ZMAT4: variants seen among roughly 807,000 people sequenced by gnomAD.
ZMAT4 encodes zinc finger matrin-type protein 4.
Under a neutral mutation model 28.7 loss-of-function variants are expected in ZMAT4, and 17 were observed. The observed-to-expected ratio is 0.59, with a 90% CI of 0.41 to 0.89. The LOEUF (loss-of-function observed/expected upper bound fraction) is 0.89, where lower values mean the gene tolerates loss of function less well. ZMAT4 is among the 40% of genes least tolerant of loss of function. ZMAT4 has a pLI of 0.00. For synonymous variants in ZMAT4, 117 were observed against 109.2 expected (o/e 1.07, Z -0.44); for missense variants, 240 against 283.8 (o/e 0.85, Z 1.11).
intron 3 of ZMAT4, among the ~76,000 whole-genome samples, chr8:40,758,571 A>G (rs1213309360): frequency 1.3e-5 from 2 of 152,216 alleles, no homozygotes. Context: ...ACAATGTCTA[A>G]TTTAAAATTC....
At chr8:40,627,728 G>A in intron 5 of ZMAT4, among the ~76,000 whole-genome samples, 1 of 152,118 alleles carries the variant, frequency 6.6e-6, no homozygotes, top group South Asian at 2.1e-4. Context: ...TCCATTGAGA[G>A]AAGTATCTTT....
chr8:40,781,109 T>C (rs1813808149), intron 2 of ZMAT4, among the ~76,000 whole-genome samples: 1 of 152,160 alleles, frequency 6.6e-6, no homozygotes, highest in Admixed American at 6.5e-5. Flanking sequence ...AAACTCTCTC[T>C]ACTTGCAGAT....
intron 3 of ZMAT4, among the ~76,000 whole-genome samples, chr8:40,734,550 G>A (rs1811680157): frequency 6.6e-6 from 1 of 152,194 alleles, no homozygotes; most frequent in African/African-American, 2.4e-5. Flanking sequence ...CGGAGAGAGA[G>A]AGAGTAGAAG....
At chr8:40,604,297 C>T (rs1354339434) in intron 5 of ZMAT4, among the ~76,000 whole-genome samples, 1 of 152,134 alleles carries the variant, frequency 6.6e-6, no homozygotes, top group Non-Finnish European at 1.5e-5. Flanking sequence ...TGTCTTGTTC[C>T]AGTTCCCAGG....
intron 1 of ZMAT4, among the ~76,000 whole-genome samples, chr8:40,879,704 T>A (rs1047212630): frequency 1.3e-5 from 2 of 152,176 alleles, no homozygotes; most frequent in Admixed American, 6.5e-5. Context: ...AAAAAATATA[T>A]AAAGAAGAAA....
At chr8:40,703,069 G>A (rs1168875435) in intron 3 of ZMAT4, among the ~76,000 whole-genome samples, 1 of 151,890 alleles carries the variant, frequency 6.6e-6, no homozygotes, top group Admixed American at 6.6e-5. Flanking sequence ...ACAAAACAAG[G>A]TTACATATGG....
At chr8:40,554,062 C>T (rs1803448289) in intron 6 of ZMAT4, among the ~76,000 whole-genome samples, 1 of 152,082 alleles carries the variant, frequency 6.6e-6, no homozygotes, top group Non-Finnish European at 1.5e-5. Flanking sequence ...CATATCATAT[C>T]ATATCATAGC....
At chr8:40,654,761 C>A (rs2118833176) in intron 5 of ZMAT4, among the ~76,000 whole-genome samples, 1 of 152,206 alleles carries the variant, frequency 6.6e-6, no homozygotes, top group African/African-American at 2.4e-5. Flanking sequence ...AACACCCTTT[C>A]ATGCTGAAAA....
intron 2 of ZMAT4, among the ~76,000 whole-genome samples, chr8:40,777,491 C>T (rs189627849): frequency 1.5e-3 from 224 of 152,340 alleles, no homozygotes; most frequent in African/African-American, 5.0e-3. Context: ...CCCAGGCAGC[C>T]TCAGCTCTTC....
intron 2 of ZMAT4, among the ~76,000 whole-genome samples, chr8:40,801,106 A>G (rs1381297130): frequency 6.6e-6 from 1 of 151,762 alleles, no homozygotes; most frequent in Non-Finnish European, 1.5e-5. Context: ...ATGTCCAAAA[A>G]TTTAATAACC....
rs1818264239 is a variant in ZMAT4, at chr8:40,881,575, AAAG to A, written c.-5+16105_-5+16107del. On this transcript the variant is annotated intron_variant, in intron 1 of 6. Transcript: ENST00000297737. ...GAAAGAAAGAAAGAAAGAAAGAAAG[AAAG>A]AAAGAAAGAAAGAAAGAAAGAAAAG... 4.7e-5 allele frequency among the ~76,000 whole-genome samples: 5 copies of A among 106,978 alleles called. 1 individual carries two copies. Among genetic ancestry groups the A allele is most frequent in the African/African-American group, 1.9e-4 (5 of 26,462 alleles). The allele number at this position is 106,978 out of a possible 152,430, so 70.2% of individuals were successfully genotyped here.
At chr8:40,798,873 C>CT (rs77348254) in intron 2 of ZMAT4, among the ~76,000 whole-genome samples, 20,503 of 151,818 alleles carry the variant, frequency 0.14, 1,925 homozygotes, top group East Asian at 0.34. Context: ...CTTCTCTACT[C>CT]CAAGTTTTTG....
At chr8:40,860,895 GC>G (rs1034310180) in intron 1 of ZMAT4, among the ~76,000 whole-genome samples, 1 of 152,124 alleles carries the variant, frequency 6.6e-6, no homozygotes, top group Non-Finnish European at 1.5e-5. Flanking sequence ...GGAGGCTGTT[GC>G]ACCCACCATC....
At chr8:40,685,983 C>T (rs1311388822) in intron 4 of ZMAT4, among the ~76,000 whole-genome samples, 3 of 152,028 alleles carry the variant, frequency 2.0e-5, no homozygotes, top group Non-Finnish European at 4.4e-5. Flanking sequence ...GGACTGGGAA[C>T]CCTCAGACTG....
intron 2 of ZMAT4, among the ~76,000 whole-genome samples, chr8:40,789,607 G>A (rs1217102848): frequency 6.6e-6 from 1 of 152,086 alleles, no homozygotes; most frequent in Non-Finnish European, 1.5e-5. Context: ...ATGAGGGGAT[G>A]AAGACCCCAT....
At chr8:40,838,130 C>T (rs1006920944) in intron 1 of ZMAT4, among the ~76,000 whole-genome samples, 1 of 152,220 alleles carries the variant, frequency 6.6e-6, no homozygotes, top group African/African-American at 2.4e-5. Context: ...GGGGAGGAGG[C>T]ACACATCTCA....
intron 1 of ZMAT4, among the ~76,000 whole-genome samples, chr8:40,872,339 G>C (rs1817888380): frequency 6.6e-6 from 1 of 152,244 alleles, no homozygotes; most frequent in Admixed American, 6.5e-5. Context: ...GGTGCCAGCG[G>C]AAACATCCTT....
chr8:40,772,733 G>A (rs774165191), intron 2 of ZMAT4, among the ~76,000 whole-genome samples: 3 of 152,186 alleles, frequency 2.0e-5, no homozygotes, highest in Admixed American at 6.5e-5. Flanking sequence ...TTCATCAGAA[G>A]GATCTAATTA....
At chr8:40,647,765 AC>A (rs1428230098) in intron 5 of ZMAT4, among the ~76,000 whole-genome samples, 2 of 151,942 alleles carry the variant, frequency 1.3e-5, no homozygotes, top group Non-Finnish European at 2.9e-5. Context: ...TGGGACCCTG[AC>A]CCCTGACCCC....
Sources: allele counts gnomAD v4.1 joint callset (sites outside exome capture counted in the v4.1 genomes callset), GRCh38; gene constraint gnomAD v4.1.1; transcripts MANE v1.5; gene names NCBI Gene and HGNC (gene_info 2026-07-23, HGNC 2026-07-21).